GRIN2A: variants seen among roughly 807,000 people sequenced by gnomAD.
GRIN2A encodes the protein glutamate ionotropic receptor NMDA type subunit 2A.
In GRIN2A, 22 loss-of-function variants were observed where a neutral mutation model predicts 113.4. The ratio of observed to expected loss-of-function variants is 0.19; its 90% confidence interval spans 0.14 to 0.28. GRIN2A has a LOEUF of 0.28. Among genes scored for constraint, GRIN2A ranks in the 10% least tolerant of loss-of-function variants. The pLI is 1.00. For missense variants in GRIN2A, 1,502 were observed against 1,887.0 expected (o/e 0.80, Z 3.78); for synonymous variants, 827 against 738.4 (o/e 1.12, Z -1.94).
At chr16:9,859,184 G>T (rs759216121) in intron 4 of GRIN2A, among the ~76,000 whole-genome samples, 1 of 151,430 alleles carries the variant, frequency 6.6e-6, no homozygotes, top group South Asian at 2.1e-4. Flanking sequence ...CACACACATC[G>T]TCACACTAAC....
chr16:9,857,639 C>T (rs1020656720), intron 4 of GRIN2A, among the ~76,000 whole-genome samples: 1 of 152,142 alleles, frequency 6.6e-6, no homozygotes, highest in Non-Finnish European at 1.5e-5. Flanking sequence ...CTATTTGCCT[C>T]AGTTTCATCA....
chr16:10,031,148 C>G (rs562503691), intron 2 of GRIN2A, among the ~76,000 whole-genome samples: 1 of 152,148 alleles, frequency 6.6e-6, no homozygotes, highest in Non-Finnish European at 1.5e-5. Flanking sequence ...CTCTTCTCAC[C>G]CTCTAAATAA....
At chr16:9,957,946 C>T (rs137882169) in intron 2 of GRIN2A, among the ~76,000 whole-genome samples, 6 of 152,256 alleles carry the variant, frequency 3.9e-5, no homozygotes, top group Admixed American at 3.3e-4. Flanking sequence ...CCAAAGAACA[C>T]GGTTGGCTTG....
chr16:9,879,346 G>A (rs2043433411), intron 4 of GRIN2A, among the ~76,000 whole-genome samples: 1 of 152,114 alleles, frequency 6.6e-6, no homozygotes, highest in South Asian at 2.1e-4. Flanking sequence ...TCATTTACAG[G>A]CATGGCAAAG....
chr16:10,016,902 C>T lies in GRIN2A; in HGVS notation c.415-78351G>A, dbSNP rs146848477. ...GGAGCTGGCACAGAAGACAAGCCTC[C>T]TACACCTCCTCTGCCAAATCTTCAA... is the stretch of plus-strand genomic sequence containing the variant. On this transcript the variant is annotated intron_variant, in intron 2 of 12. Coordinates refer to ENST00000330684, the MANE Select transcript of GRIN2A (RefSeq NM_001134407.3). Among the ~76,000 whole-genome samples, 26 of 152,310 alleles carry T rather than the reference C, an allele frequency of 1.7e-4. 1 individual carries two copies. In the East Asian group the frequency reaches 2.3e-3, roughly 14 times the overall value.
At chr16:10,018,774 C>T (rs569673434) in intron 2 of GRIN2A, among the ~76,000 whole-genome samples, 58 of 152,216 alleles carry the variant, frequency 3.8e-4, no homozygotes, top group African/African-American at 1.4e-3. Flanking sequence ...AACTCATCTC[C>T]CAACCCGAGG....
At chr16:10,141,172 G>C (rs538401437) in intron 2 of GRIN2A, among the ~76,000 whole-genome samples, 1 of 152,058 alleles carries the variant, frequency 6.6e-6, no homozygotes, top group Non-Finnish European at 1.5e-5. Context: ...CATCTTAGGA[G>C]ACAGAGCAAG....
chr16:10,161,121 G>A (rs924184178), intron 2 of GRIN2A, among the ~76,000 whole-genome samples: 1 of 152,158 alleles, frequency 6.6e-6, no homozygotes, highest in African/African-American at 2.4e-5. Flanking sequence ...GGGACCTGGT[G>A]GGAGGTAATT....
rs1018405762 is a variant in GRIN2A, at chr16:9,762,702, T to A, written c.*447A>T. ...CATTCTTAACTGTTTTTATTTTGTCTGTGTCAGGTTTACATGCACACCATA... is the reference window on the plus strand; with the variant it reads ...CATTCTTAACTGTTTTTATTTTGTCAGTGTCAGGTTTACATGCACACCATA... On this transcript the variant is annotated 3_prime_UTR_variant, in exon 13 of 13. Transcript: ENST00000330684. 1 of 289,724 alleles carries A rather than the reference T, an allele frequency of 3.5e-6. No individual in the cohort carries two copies. The highest frequency in any genetic ancestry group is 6.5e-6 in the Non-Finnish European group (1 of 153,028). 17.9% of individuals were successfully genotyped at this position (289,724 alleles called of 1,614,324 possible).
At chr16:9,916,171 T>C (rs190173825) in intron 3 of GRIN2A, among the ~76,000 whole-genome samples, 32 of 152,320 alleles carry the variant, frequency 2.1e-4, no homozygotes, top group African/African-American at 7.2e-4. Flanking sequence ...AGAATTGTTA[T>C]GAGGATTCAA....
chr16:10,145,383 G>A (rs528092864), intron 2 of GRIN2A, among the ~76,000 whole-genome samples: 3 of 152,140 alleles, frequency 2.0e-5, no homozygotes, highest in Non-Finnish European at 4.4e-5. Flanking sequence ...CTGTTGAAGT[G>A]AAAGATATAT....
At position 9,753,946 on chromosome 16, in the gene GRIN2A, A is replaced by G. The variant is rs1207187251; in HGVS notation, c.*9203T>C. On this transcript the variant is annotated 3_prime_UTR_variant, in exon 13 of 13. Transcript: ENST00000330684. The stretch of plus-strand genomic sequence containing the variant: ...TGGGTTAAAAATGGACTCAGACATA[A>G]ACCTGGATAGCTGCTTAATTCAATA... The G allele has an allele frequency of 5.6e-6, 1 of 178,800 alleles. No homozygotes were observed. Among genetic ancestry groups the G allele is most frequent in the Non-Finnish European group, 1.2e-5 (1 of 83,376 alleles). The allele number at this position is 178,800 out of a possible 1,614,324, so 11.1% of individuals were successfully genotyped here. A position where few individuals can be genotyped will look rare whatever the true frequency, so the allele number is the denominator to read the frequency against.
chr16:9,840,626 G>C (rs2042657202), intron 7 of GRIN2A, 21 bp downstream of exon 7: 1 of 1,607,792 alleles, frequency 6.2e-7, no homozygotes, highest in Non-Finnish European at 8.5e-7. Flanking sequence ...GAAAGCAATA[G>C]TCACTATGAA....
At chr16:9,960,493 A>G (rs1388423085) in intron 2 of GRIN2A, among the ~76,000 whole-genome samples, 2 of 152,226 alleles carry the variant, frequency 1.3e-5, no homozygotes, top group Non-Finnish European at 2.9e-5. Flanking sequence ...TTTATAAATG[A>G]AAAATTAACT....
chr16:9,826,342 C>T (rs145536334), intron 9 of GRIN2A, among the ~76,000 whole-genome samples: 3 of 152,288 alleles, frequency 2.0e-5, no homozygotes, highest in South Asian at 2.1e-4. Context: ...TCCCTATCAA[C>T]ATTGCAATTT....
chr16:9,968,085 G>A (rs1416537560), intron 2 of GRIN2A, among the ~76,000 whole-genome samples: 2 of 152,014 alleles, frequency 1.3e-5, no homozygotes, highest in Non-Finnish European at 2.9e-5. Context: ...TTATTGCAAC[G>A]TGATTCTTAC....
intron 2 of GRIN2A, among the ~76,000 whole-genome samples, chr16:9,964,550 G>A (rs115049593): frequency 6.6e-6 from 1 of 152,300 alleles, no homozygotes; most frequent in African/African-American, 2.4e-5. Flanking sequence ...CAAGGTGTCA[G>A]CAGGATTGCT....
intron 5 of GRIN2A, among the ~76,000 whole-genome samples, chr16:9,844,157 T>G: frequency 6.6e-6 from 1 of 152,142 alleles, no homozygotes; most frequent in East Asian, 1.9e-4. Context: ...GTGCCCCAGG[T>G]TTAAGATTCA....
chr16:10,153,313 G>T (rs936418507), intron 2 of GRIN2A, among the ~76,000 whole-genome samples: 2 of 152,066 alleles, frequency 1.3e-5, no homozygotes, highest in Admixed American at 6.6e-5. Flanking sequence ...CCCTCCCTCT[G>T]CCAACCAGTC....
Sources: allele counts gnomAD v4.1 joint callset (sites outside exome capture counted in the v4.1 genomes callset), GRCh38; gene constraint gnomAD v4.1.1; transcripts MANE v1.5; gene names NCBI Gene and HGNC (gene_info 2026-07-23, HGNC 2026-07-21).